The following KCNIP1 variants were observed in gnomAD, a reference collection of about 807,000 sequenced individuals.
The protein encoded by KCNIP1 is potassium voltage-gated channel interacting protein 1.
In KCNIP1, 18 loss-of-function variants were observed where a neutral mutation model predicts 33.0. The ratio of observed to expected loss-of-function variants is 0.55; its 90% CI spans 0.38 to 0.81. The LOEUF is 0.81. KCNIP1 is among the 30% of genes least tolerant of loss of function. The pLI is 0.00. For missense variants in KCNIP1, 238 were observed against 271.6 expected, an observed-to-expected ratio of 0.88 and a Z score of 0.87; for synonymous variants, 93 against 98.3, an observed-to-expected ratio of 0.95 and a Z score of 0.32.
At chr5:170,668,351 T>C (rs1272381252) in intron 1 of KCNIP1, among the ~76,000 whole-genome samples, 2 of 152,228 alleles carry the variant, frequency 1.3e-5, no homozygotes, top group African/African-American at 4.8e-5. Flanking sequence ...CACTGGTCCC[T>C]GCTAGGACAA....
Position 170,488,910 on chromosome 5 carries a change from C to T in KCNIP1, c.88+134946C>T, listed in dbSNP as rs182466456. 2.3e-3 allele frequency among the ~76,000 whole-genome samples: 346 copies of T among 152,274 alleles called. 2 individuals carry two copies. The highest frequency in any genetic ancestry group is 4.4e-3 in the Admixed American group (67 of 15,292). On this transcript the variant is annotated intron_variant, in intron 1 of 7. Coordinates refer to the KCNIP1 transcript ENST00000377360. ...AGCCTGGAGAGGACTTTTTAAGATT[C>T]CCGGTGACGGTGCAGAGAAGCTGAG... is the stretch of plus-strand genomic sequence containing the variant.
At chr5:170,667,729 T>C (rs778581046) in intron 1 of KCNIP1, among the ~76,000 whole-genome samples, 1 of 152,228 alleles carries the variant, frequency 6.6e-6, no homozygotes, top group Non-Finnish European at 1.5e-5. Flanking sequence ...GATAACAATA[T>C]TGACTATCCC....
chr5:170,708,738 A>G (rs557328594), intron 1 of KCNIP1, among the ~76,000 whole-genome samples: 1 of 152,254 alleles, frequency 6.6e-6, no homozygotes, highest in Admixed American at 6.5e-5. Flanking sequence ...TCCACAAAAA[A>G]GTACAAAAAA....
chr5:170,527,858 T>A (rs1255737603), intron 1 of KCNIP1, among the ~76,000 whole-genome samples: 4 of 151,956 alleles, frequency 2.6e-5, no homozygotes, highest in Non-Finnish European at 5.9e-5. Context: ...TGCATCATGA[T>A]ACAATCTCAT....
intron 1 of KCNIP1, among the ~76,000 whole-genome samples, chr5:170,591,587 C>T (rs4867988): frequency 0.37 from 56,743 of 152,054 alleles, 10,911 homozygotes; most frequent in East Asian, 0.52. Flanking sequence ...AAACTCTGTA[C>T]CCATTAAACG....
At chr5:170,417,728 C>A (rs886694617) in intron 1 of KCNIP1, among the ~76,000 whole-genome samples, 7 of 152,242 alleles carry the variant, frequency 4.6e-5, no homozygotes, top group Non-Finnish European at 1.0e-4. Flanking sequence ...CCACTGACAC[C>A]TTGATCATGA....
intron 1 of KCNIP1, among the ~76,000 whole-genome samples, chr5:170,400,253 T>C (rs896229405): frequency 2.0e-5 from 3 of 152,184 alleles, no homozygotes; most frequent in African/African-American, 4.8e-5. Context: ...AGAGGTTTAA[T>C]TGACTCACAG....
At chr5:170,635,859 G>A (rs140995542) in intron 1 of KCNIP1, among the ~76,000 whole-genome samples, 1,697 of 152,358 alleles carry the variant, frequency 0.011, 37 homozygotes, top group African/African-American at 0.039. Flanking sequence ...GAGAAAACAG[G>A]CAGGAGGCCA....
chr5:170,448,697 C>A (rs1371561644), intron 1 of KCNIP1, among the ~76,000 whole-genome samples: 1 of 152,098 alleles, frequency 6.6e-6, no homozygotes, highest in Non-Finnish European at 1.5e-5. Flanking sequence ...GGTCTGGACC[C>A]AACAAGGCCT....
intron 1 of KCNIP1, among the ~76,000 whole-genome samples, chr5:170,358,979 T>A (rs1327856206): frequency 6.6e-6 from 1 of 152,170 alleles, no homozygotes; most frequent in East Asian, 1.9e-4. Context: ...ACTAATTCTG[T>A]TGGTGGGTTT....
At chr5:170,469,192 C>A (rs1310211730) in intron 1 of KCNIP1, among the ~76,000 whole-genome samples, 1 of 151,870 alleles carries the variant, frequency 6.6e-6, no homozygotes, top group East Asian at 1.9e-4. Context: ...GCCAGAAGTT[C>A]AAGATCAGCC....
At chr5:170,415,298 A>G (rs1353148678) in intron 1 of KCNIP1, among the ~76,000 whole-genome samples, 1 of 151,890 alleles carries the variant, frequency 6.6e-6, no homozygotes, top group Non-Finnish European at 1.5e-5. Flanking sequence ...GTGTGTTCCT[A>G]TCCTTGGATC....
chr5:170,500,106 C>T (rs1341485604), upstream of KCNIP1, among the ~76,000 whole-genome samples: 1 of 152,206 alleles, frequency 6.6e-6, no homozygotes, highest in African/African-American at 2.4e-5. Context: ...GGCCTCTCAC[C>T]TTGTGTTGCA....
chr5:170,483,223 G>A, intron 1 of KCNIP1: 1 of 371,394 alleles, frequency 2.7e-6, no homozygotes, highest in Non-Finnish European at 5.2e-6. Flanking sequence ...GGAACCCAGG[G>A]TGGTGGGAAC....
intron 1 of KCNIP1, among the ~76,000 whole-genome samples, chr5:170,556,222 A>G (rs758228081): frequency 5.3e-5 from 8 of 152,212 alleles, no homozygotes; most frequent in Non-Finnish European, 1.2e-4. Flanking sequence ...AACAGCAAAC[A>G]AGGGGTGAGG....
At chr5:170,674,666 A>G (rs1007568240) in intron 1 of KCNIP1, among the ~76,000 whole-genome samples, 3 of 152,186 alleles carry the variant, frequency 2.0e-5, no homozygotes, top group Non-Finnish European at 2.9e-5. Context: ...CCCAAAGGAC[A>G]TGGAATCCTG....
At chr5:170,616,809 A>G (rs970800789) in intron 1 of KCNIP1, among the ~76,000 whole-genome samples, 3 of 152,052 alleles carry the variant, frequency 2.0e-5, no homozygotes, top group Non-Finnish European at 2.9e-5. Context: ...TGCCTGGAAC[A>G]TGCTTCCATA....
intron 1 of KCNIP1, among the ~76,000 whole-genome samples, chr5:170,456,525 T>C (rs920831326): frequency 1.3e-5 from 2 of 151,860 alleles, no homozygotes; most frequent in Admixed American, 6.6e-5. Flanking sequence ...TAGACTTCTA[T>C]CTTAAGACGC....
intron 1 of KCNIP1, among the ~76,000 whole-genome samples, chr5:170,406,212 G>T (rs1237320147): frequency 6.6e-6 from 1 of 152,230 alleles, no homozygotes; most frequent in East Asian, 1.9e-4. Flanking sequence ...GCAGTGAGTT[G>T]GTGGGAGAGA....
Sources: allele counts gnomAD v4.1 joint callset (sites outside exome capture counted in the v4.1 genomes callset), GRCh38; gene constraint gnomAD v4.1.1; transcripts MANE v1.5; gene names NCBI Gene and HGNC (gene_info 2026-07-23, HGNC 2026-07-21).